The following NARS2 variants were observed in gnomAD, a reference collection of about 807,000 sequenced individuals.
NARS2 encodes the protein asparaginyl-tRNA synthetase.
Under a neutral mutation model 62.9 loss-of-function variants are expected in NARS2, and 60 were observed. The observed-to-expected ratio is 0.95, with a 90% confidence interval of 0.77 to 1.18. The LOEUF (loss-of-function observed/expected upper bound fraction) is 1.18, where lower values mean the gene tolerates loss of function less well. Ranked by LOEUF, NARS2 falls within the 50% of genes most tolerant of loss-of-function variation. The pLI is 0.00. For missense variants in NARS2, 619 were observed against 576.4 expected, an observed-to-expected ratio of 1.07 and a Z score of -0.76; for synonymous variants, 196 against 200.0, an observed-to-expected ratio of 0.98 and a Z score of 0.17.
chr11:78,560,631 C>T (rs747294238), intron 4 of NARS2, among the ~76,000 whole-genome samples: 4 of 152,208 alleles, frequency 2.6e-5, no homozygotes, highest in South Asian at 2.1e-4. Flanking sequence ...AGGGACCTCC[C>T]GAATATGATC....
At chr11:78,563,120 T>C (rs1167933076) in intron 4 of NARS2, among the ~76,000 whole-genome samples, 3 of 151,996 alleles carry the variant, frequency 2.0e-5, no homozygotes, top group Non-Finnish European at 4.4e-5. Flanking sequence ...TCTTTACAAA[T>C]ACTAAGTGAA....
intron 5 of NARS2, among the ~76,000 whole-genome samples, chr11:78,529,828 C>T (rs1487707103): frequency 6.6e-6 from 1 of 152,030 alleles, no homozygotes; most frequent in Non-Finnish European, 1.5e-5. Flanking sequence ...AGCCCAGCTT[C>T]TTGTATTTTA....
At chr11:78,465,842 G>A (rs138933422) in intron 11 of NARS2, 34 bp downstream of exon 11, 1 of 1,611,788 alleles carries the variant, frequency 6.2e-7, no homozygotes, top group Non-Finnish European at 8.5e-7. Context: ...AACCTAAGAG[G>A]ACTAACCCCA....
rs146106397 is a variant in NARS2 at position 78,493,196 on chromosome 11, C to G, written c.690-1G>C. On this transcript the variant is annotated splice_acceptor_variant, in intron 6 of 13. Coordinates refer to ENST00000281038, the MANE Select transcript of NARS2 (RefSeq NM_024678.6). LOFTEE classifies it high-confidence loss of function. ...AAAGGTAAACACTTGAGTAAAAGCT[C>G]TGCAATTCAAGATTAAGAGAATGCA... The G allele has an allele frequency of 6.2e-7, 1 of 1,610,886 alleles. No individual in the cohort carries two copies. Among genetic ancestry groups the G allele is most frequent in the Non-Finnish European group, 8.5e-7 (1 of 1,179,378 alleles).
chr11:78,491,674 A>G (rs1279657292), intron 7 of NARS2, among the ~76,000 whole-genome samples: 3 of 152,164 alleles, frequency 2.0e-5, no homozygotes, highest in African/African-American at 7.2e-5. Context: ...TCTGTTTGTA[A>G]ATGGATCACA....
chr11:78,459,304 CTT>C (rs1858299046), intron 11 of NARS2, among the ~76,000 whole-genome samples: 2 of 149,594 alleles, frequency 1.3e-5, no homozygotes, highest in Admixed American at 6.6e-5. Flanking sequence ...GAGTTTTGCT[CTT>C]GTTGCCCAGG....
At chr11:78,473,691 T>C (rs889486333) in intron 9 of NARS2, among the ~76,000 whole-genome samples, 1 of 152,230 alleles carries the variant, frequency 6.6e-6, no homozygotes, top group Non-Finnish European at 1.5e-5. Flanking sequence ...TATTTCTGTT[T>C]TGTCTCTATC....
At chr11:78,519,703 GT>G (rs200566633) in intron 6 of NARS2, among the ~76,000 whole-genome samples, 2,867 of 144,276 alleles carry the variant, frequency 0.02, 85 homozygotes, top group African/African-American at 0.067. Context: ...TAGTTGTTGA[GT>G]TTTTTTTTTT....
intron 6 of NARS2, among the ~76,000 whole-genome samples, chr11:78,500,683 G>A (rs1319907992): frequency 2.0e-5 from 3 of 152,124 alleles, no homozygotes; most frequent in Admixed American, 1.3e-4. Context: ...ATGTTGTAAA[G>A]ATCCCTTTAC....
intron 5 of NARS2, chr11:78,558,296 A>G (rs922046059): frequency 3.3e-5 from 5 of 152,240 alleles, no homozygotes; most frequent in African/African-American, 9.6e-5. Flanking sequence ...TCTTCCAGTC[A>G]TGTATAATGA....
chr11:78,447,327 T>C (rs1857798607), intron 11 of NARS2, among the ~76,000 whole-genome samples: 1 of 151,914 alleles, frequency 6.6e-6, no homozygotes, highest in Non-Finnish European at 1.5e-5. Flanking sequence ...CAGCTTTGAA[T>C]GGCTGTTATA....
At chr11:78,438,775 T>G (rs1857488045) in intron 13 of NARS2, among the ~76,000 whole-genome samples, 1 of 152,080 alleles carries the variant, frequency 6.6e-6, no homozygotes, top group Admixed American at 6.5e-5. Context: ...AGGAAGTGAG[T>G]AAATTCTTAG....
At chr11:78,493,008 T>C (rs1251202622) in intron 7 of NARS2, 55 bp downstream of exon 7, 6 of 1,457,934 alleles carry the variant, frequency 4.1e-6, no homozygotes, top group South Asian at 3.7e-5. Flanking sequence ...TAAAAATATA[T>C]ACAGAAACAT....
At chr11:78,448,446 G>A (rs972953731) in intron 11 of NARS2, among the ~76,000 whole-genome samples, 16 of 151,284 alleles carry the variant, frequency 1.1e-4, no homozygotes, top group East Asian at 1.9e-4. Context: ...ACATGCCACC[G>A]TGCCCAGCTA....
chr11:78,436,634 G>T lies in NARS2; in HGVS notation c.*36C>A. ...ATGCACAATCATGTGCAGTGTCTCT[G>T]CCATGGGGGGTGCTTTTCCTTAACC... On this transcript the variant is annotated 3_prime_UTR_variant, in exon 14 of 14. Transcript: ENST00000281038. 6.2e-7 allele frequency: 1 copy of T among 1,611,694 alleles called. No homozygotes were observed. The highest frequency in any genetic ancestry group is 8.5e-7 in the Non-Finnish European group (1 of 1,178,292).
intron 5 of NARS2, among the ~76,000 whole-genome samples, chr11:78,557,063 G>GTAGTCCCCAA (rs1394133419): frequency 6.6e-6 from 1 of 152,188 alleles, no homozygotes; most frequent in African/African-American, 2.4e-5. Flanking sequence ...AATGTATTCA[G>GTAGTCCCCAA]TAGTCCCCAA....
chr11:78,513,710 A>G (rs1196203441), intron 6 of NARS2, among the ~76,000 whole-genome samples: 1 of 152,220 alleles, frequency 6.6e-6, no homozygotes, highest in South Asian at 2.1e-4. Flanking sequence ...CCTGGGAGGC[A>G]GTTATAACTC....
chr11:78,525,640 C>T (rs1274651142), intron 6 of NARS2, among the ~76,000 whole-genome samples: 2 of 152,106 alleles, frequency 1.3e-5, no homozygotes, highest in Admixed American at 6.5e-5. Flanking sequence ...AACATTCTCC[C>T]TCCTGCGGGT....
intron 7 of NARS2, among the ~76,000 whole-genome samples, chr11:78,484,163 G>C (rs1282338192): frequency 2.6e-5 from 4 of 152,114 alleles, no homozygotes; most frequent in African/African-American, 9.7e-5. Context: ...CTAATAAATG[G>C]TACTGGGAAA....
Sources: allele counts gnomAD v4.1 joint callset (sites outside exome capture counted in the v4.1 genomes callset), GRCh38; gene constraint gnomAD v4.1.1; transcripts MANE v1.5; gene names NCBI Gene and HGNC (gene_info 2026-07-23, HGNC 2026-07-21).